The following SLAIN2 variants were observed in gnomAD, a reference collection of about 807,000 sequenced individuals.
SLAIN2 encodes SLAIN motif-containing protein 2.
SLAIN2 carries 31 observed loss-of-function variants against 56.6 expected under a neutral mutation model. That is an observed-to-expected ratio of 0.55 (90% CI 0.41 to 0.74). SLAIN2 has a LOEUF of 0.74. SLAIN2 is among the 30% of genes least tolerant of loss of function. The probability of loss-of-function intolerance (pLI) is 0.00; values close to 1 mark genes in which losing one functional copy is unlikely to be tolerated. For synonymous variants in SLAIN2, 317 were observed against 284.9 expected (o/e 1.11, Z -1.13); for missense variants, 777 against 754.2 (o/e 1.03, Z -0.35).
intron 1 of SLAIN2, among the ~76,000 whole-genome samples, chr4:48,345,300 C>T (rs116085266): frequency 6.6e-6 from 1 of 152,244 alleles, no homozygotes; most frequent in South Asian, 2.1e-4. Flanking sequence ...GCATTCCCTT[C>T]TCTTCTTCAG....
chr4:48,424,807 G>A lies in SLAIN2; in HGVS notation c.*2730G>A, dbSNP rs1366019220. On this transcript the variant is annotated 3_prime_UTR_variant, in exon 8 of 8. Transcript: ENST00000264313. ...TTTTGAAAGAAAATTAGATACATAT[G>A]TGGCCCCAGATGTTTGTATAACTCT... 1.3e-5 allele frequency: 2 copies of A among 151,776 alleles called. No individual in the cohort carries two copies. The highest frequency in any genetic ancestry group is 3.9e-4 in the East Asian group (2 of 5,174). 9.4% of individuals were successfully genotyped at this position (151,776 alleles called of 1,614,324 possible).
intron 6 of SLAIN2, among the ~76,000 whole-genome samples, chr4:48,388,679 T>C (rs892739671): frequency 1.3e-5 from 2 of 152,178 alleles, no homozygotes; most frequent in African/African-American, 4.8e-5. Flanking sequence ...AGTCTCCTAT[T>C]TTCCTCTTCC....
At chr4:48,393,776 A>ACTGT in intron 6 of SLAIN2, among the ~76,000 whole-genome samples, 1 of 152,258 alleles carries the variant, frequency 6.6e-6, no homozygotes, top group Non-Finnish European at 1.5e-5. Context: ...AGCCATAGTA[A>ACTGT]CTGTATATTG....
chr4:48,391,652 A>G (rs894742393), intron 6 of SLAIN2, among the ~76,000 whole-genome samples: 4 of 152,194 alleles, frequency 2.6e-5, no homozygotes, highest in African/African-American at 7.2e-5. Flanking sequence ...GCAGAGTGAA[A>G]AGGATTAACT....
chr4:48,412,389 CACACACACACACACACACACACACACAT>C (rs768174674), intron 6 of SLAIN2, among the ~76,000 whole-genome samples: 7,235 of 81,482 alleles, frequency 0.089, 494 homozygotes, highest in Non-Finnish European at 0.14. Flanking sequence ...CACACACACA[CACACACACACACACACACACACACACAT>C]TCCCTCTCTC....
At chr4:48,392,892 C>A (rs1192843684) in intron 6 of SLAIN2, among the ~76,000 whole-genome samples, 1 of 147,240 alleles carries the variant, frequency 6.8e-6, no homozygotes, top group Non-Finnish European at 1.5e-5. Flanking sequence ...CATCTAGTTG[C>A]CTACTGGATA....
Position 48,343,705 on chromosome 4 carries a change from A to G in SLAIN2, c.389+1577A>G, listed in dbSNP as rs538838026. Among the ~76,000 whole-genome samples the G allele has an allele frequency of 2.0e-5, 3 of 152,348 alleles. No homozygotes were observed. The South Asian group carries it at 6.2e-4, about 32-fold the overall frequency. On this transcript the variant is annotated intron_variant, in intron 1 of 7. Coordinates refer to ENST00000264313, the MANE Select transcript of SLAIN2 (RefSeq NM_020846.2). ...GGGAAGGGCATTTTATGCTCTTGAC[A>G]GCTACAAGAGCAGAGTCAGAGGTAT...
intron 6 of SLAIN2, chr4:48,394,526 C>G (rs1716327072): frequency 7.2e-7 from 1 of 1,394,660 alleles, no homozygotes. Flanking sequence ...ACGCTGTAGC[C>G]TTTGTCTTGT....
chr4:48,391,050 C>T (rs1176159727), intron 6 of SLAIN2, among the ~76,000 whole-genome samples: 1 of 152,154 alleles, frequency 6.6e-6, no homozygotes, highest in Non-Finnish European at 1.5e-5. Context: ...TTTTCAGTGT[C>T]TTCGCAGTTA....
chr4:48,397,304 C>A (rs754413906), intron 6 of SLAIN2, among the ~76,000 whole-genome samples: 1 of 151,844 alleles, frequency 6.6e-6, no homozygotes, highest in Non-Finnish European at 1.5e-5. Context: ...GACATTCATG[C>A]GGCCAACAAA....
chr4:48,414,636 C>T (rs1368602040), intron 6 of SLAIN2, among the ~76,000 whole-genome samples: 9 of 132,874 alleles, frequency 6.8e-5, no homozygotes, highest in African/African-American at 2.0e-4. Flanking sequence ...TATACATGTG[C>T]CATGCTGGTG....
chr4:48,342,339 C>T (rs1174628937), intron 1 of SLAIN2, among the ~76,000 whole-genome samples: 1 of 152,180 alleles, frequency 6.6e-6, no homozygotes. Flanking sequence ...AGCTCGTTGT[C>T]CTTTGGATTG....
At chr4:48,387,665 G>A (rs1364266105) in intron 6 of SLAIN2, among the ~76,000 whole-genome samples, 3 of 151,692 alleles carry the variant, frequency 2.0e-5, no homozygotes, top group Non-Finnish European at 4.4e-5. Flanking sequence ...TGGAAAGTAG[G>A]AAATTCAAAA....
Position 48,424,679 on chromosome 4 carries a change from C to T in SLAIN2, c.*2602C>T, listed in dbSNP as rs1400571839. 1.3e-5 allele frequency: 2 copies of T among 151,350 alleles called. No homozygotes were observed. Among genetic ancestry groups the T allele is most frequent in the African/African-American group, 2.4e-5 (1 of 41,242 alleles). 9.4% of individuals were successfully genotyped at this position (151,350 alleles called of 1,614,324 possible). A position where few individuals can be genotyped will look rare whatever the true frequency, so the allele number is the denominator to read the frequency against. On this transcript the variant is annotated 3_prime_UTR_variant, in exon 8 of 8. Transcript: ENST00000264313. The stretch of plus-strand genomic sequence containing the variant: ...TGAAGAGTTGACTTTTTTTCAGTTT[C>T]GTATCCTGGAAATCACATTTTGTAA...
At chr4:48,405,406 C>G (rs1384298208) in intron 6 of SLAIN2, among the ~76,000 whole-genome samples, 3 of 151,770 alleles carry the variant, frequency 2.0e-5, no homozygotes, top group Non-Finnish European at 4.4e-5. Context: ...TCGTTTTCTT[C>G]CATTTCTTTT....
At chr4:48,412,396 ACACACACACAC>A (rs1716883656) in intron 6 of SLAIN2, among the ~76,000 whole-genome samples, 2 of 57,438 alleles carry the variant, frequency 3.5e-5, no homozygotes, top group African/African-American at 1.1e-4. Flanking sequence ...ACACACACAC[ACACACACACAC>A]ACACACACAT....
chr4:48,422,224 C>CA lies in SLAIN2; in HGVS notation c.*148dup, dbSNP rs1717175196. On this transcript the variant is annotated 3_prime_UTR_variant, in exon 8 of 8. Coordinates refer to ENST00000264313, the MANE Select transcript of SLAIN2 (RefSeq NM_020846.2). ...CTCTGTCTTAATTAGCACAAACCGA[C>CA]AGAGATCATCAAACAGCACTTTAAT... is the stretch of plus-strand genomic sequence containing the variant. The CA allele has an allele frequency of 8.2e-6, 5 of 608,114 alleles. 1 individual carries two copies. The Admixed American group carries it at 1.5e-4, about 18-fold the overall frequency. 37.7% of individuals were successfully genotyped at this position (608,114 alleles called of 1,614,324 possible). A position where few individuals can be genotyped will look rare whatever the true frequency, so the allele number is the denominator to read the frequency against.
At chr4:48,345,640 G>A (rs1489562847) in intron 1 of SLAIN2, among the ~76,000 whole-genome samples, 3 of 151,180 alleles carry the variant, frequency 2.0e-5, no homozygotes, top group Admixed American at 6.6e-5. Flanking sequence ...TTTGTGTAAC[G>A]GATTTTTTTT....
intron 2 of SLAIN2, among the ~76,000 whole-genome samples, chr4:48,370,731 A>G (rs748708806): frequency 6.6e-6 from 1 of 152,162 alleles, no homozygotes; most frequent in Non-Finnish European, 1.5e-5. Flanking sequence ...TTCTTCTTGT[A>G]TTTCTCTCAG....
Sources: allele counts gnomAD v4.1 joint callset (sites outside exome capture counted in the v4.1 genomes callset), GRCh38; gene constraint gnomAD v4.1.1; transcripts MANE v1.5; gene names NCBI Gene and HGNC (gene_info 2026-07-23, HGNC 2026-07-21).